CACNA2D3: variants seen among roughly 807,000 people sequenced by gnomAD.
CACNA2D3 encodes the protein voltage-dependent calcium channel subunit alpha-2/delta-3.
Under a neutral mutation model 160.6 loss-of-function variants are expected in CACNA2D3, and 60 were observed. That is an observed-to-expected ratio of 0.37 (90% CI 0.30 to 0.46). The LOEUF (loss-of-function observed/expected upper bound fraction) is 0.46. Ranked by LOEUF, CACNA2D3 falls within the 20% of genes least tolerant of loss-of-function variation. The probability of loss-of-function intolerance (pLI) is 1.00; values close to 1 mark genes in which losing one functional copy is unlikely to be tolerated. For synonymous variants in CACNA2D3, 558 were observed against 492.9 expected (o/e 1.13, Z -1.75); for missense variants, 1,205 against 1,365.0 (o/e 0.88, Z 1.85).
chr3:55,045,340 G>A (rs998112936), intron 35 of CACNA2D3, among the ~76,000 whole-genome samples: 12 of 152,152 alleles, frequency 7.9e-5, no homozygotes, highest in African/African-American at 2.7e-4. Flanking sequence ...GTGAGCCACC[G>A]CGTCAAGCCT....
chr3:54,789,960 T>TA, intron 13 of CACNA2D3: 1 of 446,570 alleles, frequency 2.2e-6, no homozygotes, highest in Admixed American at 2.5e-5. Flanking sequence ...AGAATTGCAA[T>TA]ATGGAGCTAT....
At chr3:54,811,588 C>T (rs1172193478) in intron 13 of CACNA2D3, among the ~76,000 whole-genome samples, 3 of 149,024 alleles carry the variant, frequency 2.0e-5, no homozygotes, top group African/African-American at 7.4e-5. Context: ...ACCTCCGCCT[C>T]CCAGGTACAA....
intron 11 of CACNA2D3, among the ~76,000 whole-genome samples, chr3:54,732,714 C>T (rs188648344): frequency 1.1e-4 from 17 of 152,248 alleles, no homozygotes; most frequent in Non-Finnish European, 2.2e-4. Flanking sequence ...TTAGGAAGTC[C>T]CACTGAATGG....
At chr3:54,456,035 T>C (rs1405461322) in intron 4 of CACNA2D3, among the ~76,000 whole-genome samples, 1 of 152,164 alleles carries the variant, frequency 6.6e-6, no homozygotes, top group African/African-American at 2.4e-5. Context: ...ATATTCAGAC[T>C]CTTATATGGT....
intron 2 of CACNA2D3, among the ~76,000 whole-genome samples, chr3:54,199,664 AGGCCCTTAAT>A (rs1161010695): frequency 2.6e-5 from 4 of 152,108 alleles, no homozygotes; most frequent in Admixed American, 2.6e-4. Flanking sequence ...TGCTCTTCAG[AGGCCCTTAAT>A]GGTCATTGAA....
At chr3:54,613,554 G>T (rs1458138869) in intron 9 of CACNA2D3, among the ~76,000 whole-genome samples, 1 of 152,150 alleles carries the variant, frequency 6.6e-6, no homozygotes, top group Non-Finnish European at 1.5e-5. Flanking sequence ...TCGCTGAGAA[G>T]GCTTTCTATC....
At chr3:54,646,204 T>C (rs190249128) in intron 11 of CACNA2D3, among the ~76,000 whole-genome samples, 1,650 of 46,778 alleles carry the variant, frequency 0.035, 155 homozygotes, top group African/African-American at 0.045. Flanking sequence ...GCTTCCTTCC[T>C]TCCTTCCTTC....
chr3:54,769,412 T>C (rs1417282929), intron 13 of CACNA2D3, among the ~76,000 whole-genome samples: 1 of 152,332 alleles, frequency 6.6e-6, no homozygotes, highest in African/African-American at 2.4e-5. Flanking sequence ...CTCTGGATTT[T>C]TTTTTAAGCA....
intron 8 of CACNA2D3, among the ~76,000 whole-genome samples, chr3:54,573,008 T>G (rs1439809250): frequency 1.3e-5 from 2 of 152,090 alleles, no homozygotes; most frequent in Non-Finnish European, 2.9e-5. Flanking sequence ...ACTAAGATAA[T>G]TAAAAGTAGG....
chr3:54,854,295 T>C (rs898432721), intron 17 of CACNA2D3, among the ~76,000 whole-genome samples: 1 of 152,234 alleles, frequency 6.6e-6, no homozygotes. Flanking sequence ...CTTGTGTGCT[T>C]TCTTCCTGAC....
rs1175778115 is a variant in CACNA2D3 at position 54,560,161 on chromosome 3, A to G, written c.545-2639A>G. ...CTTTAGGTCTTTGAGGAATCGCTAC[A>G]CTGTCTTCCACAATGGTTGAACTAA... is the stretch of plus-strand genomic sequence containing the variant. On this transcript the variant is annotated intron_variant, in intron 5 of 37. Coordinates refer to ENST00000474759, the MANE Select transcript of CACNA2D3 (RefSeq NM_018398.3). Among the ~76,000 whole-genome samples the G allele has an allele frequency of 3.9e-5, 6 of 152,178 alleles. No individual in the cohort carries two copies. In the East Asian group the frequency reaches 1.2e-3, roughly 29 times the overall value.
Position 55,007,934 on chromosome 3 carries a change from A to T in CACNA2D3, c.2819+92A>T, listed in dbSNP as rs944656528. 5.0e-6 allele frequency: 4 copies of T among 792,542 alleles called. No individual in the cohort carries two copies. In the African/African-American group the frequency reaches 7.2e-5, roughly 14 times the overall value. The allele number at this position is 792,542 out of a possible 1,614,324, so 49.1% of individuals were successfully genotyped here. ...CTAAGAGATTGTGAGTCATGCCTTC[A>T]ATAACCATTAGATTCCTAGTACTCT... On this transcript the variant is annotated intron_variant, in intron 33 of 37. Transcript: ENST00000474759.
intron 29 of CACNA2D3, among the ~76,000 whole-genome samples, chr3:54,976,056 T>TATACAC (rs1163636344): frequency 6.9e-6 from 1 of 144,970 alleles, no homozygotes. Context: ...TAGATATAGA[T>TATACAC]ACACACACAC....
At chr3:54,197,405 A>G (rs1299946178) in intron 2 of CACNA2D3, 1 of 152,264 alleles carries the variant, frequency 6.6e-6, no homozygotes, top group East Asian at 1.9e-4. Flanking sequence ...CTGACAGCCT[A>G]CTTCAAGTCC....
At chr3:54,812,525 A>G (rs553967672) in intron 13 of CACNA2D3, among the ~76,000 whole-genome samples, 1 of 152,318 alleles carries the variant, frequency 6.6e-6, no homozygotes, top group South Asian at 2.1e-4. Flanking sequence ...ATGTTGCACC[A>G]TCCACCTGAT....
At chr3:54,680,534 C>G (rs1234901787) in intron 11 of CACNA2D3, among the ~76,000 whole-genome samples, 2 of 152,180 alleles carry the variant, frequency 1.3e-5, no homozygotes, top group Non-Finnish European at 2.9e-5. Flanking sequence ...CTCAGGGTTT[C>G]CCTGGCCTGT....
chr3:54,911,636 C>T (rs764642339), intron 27 of CACNA2D3, among the ~76,000 whole-genome samples: 5 of 151,962 alleles, frequency 3.3e-5, no homozygotes, highest in Non-Finnish European at 4.4e-5. Flanking sequence ...CTCAGTGGGC[C>T]GCTCCACTTT....
At chr3:54,896,507 C>T (rs1700191842) in intron 25 of CACNA2D3, among the ~76,000 whole-genome samples, 1 of 152,070 alleles carries the variant, frequency 6.6e-6, no homozygotes, top group African/African-American at 2.4e-5. Context: ...ACAATTAGTT[C>T]ACTAGATATA....
chr3:54,434,172 C>G (rs9875862), intron 4 of CACNA2D3, among the ~76,000 whole-genome samples: 10,044 of 152,306 alleles, frequency 0.066, 377 homozygotes, highest in Middle Eastern at 0.1. Flanking sequence ...CGAGCCTCCA[C>G]TCCTGCCCAG....
Sources: allele counts gnomAD v4.1 joint callset (sites outside exome capture counted in the v4.1 genomes callset), GRCh38; gene constraint gnomAD v4.1.1; transcripts MANE v1.5; gene names NCBI Gene and HGNC (gene_info 2026-07-23, HGNC 2026-07-21).